The following FCHSD2 variants were observed in gnomAD, a reference collection of about 807,000 sequenced individuals.
FCHSD2 encodes the protein F-BAR and double SH3 domains protein 2.
In FCHSD2, 38 loss-of-function variants were observed where a neutral mutation model predicts 108.1. The ratio of observed to expected loss-of-function variants is 0.35; its 90% CI spans 0.27 to 0.46. The LOEUF is 0.46. FCHSD2 is among the 20% of genes least tolerant of loss of function. The probability of loss-of-function intolerance (pLI) is 1.00; values close to 1 mark genes in which losing one functional copy is unlikely to be tolerated. For synonymous variants in FCHSD2, 279 were observed against 314.7 expected (o/e 0.89, Z 1.20); for missense variants, 751 against 897.8 (o/e 0.84, Z 2.09).
intron 2 of FCHSD2, among the ~76,000 whole-genome samples, chr11:73,122,306 G>A (rs915700880): frequency 5.3e-5 from 8 of 152,050 alleles, no homozygotes; most frequent in South Asian, 4.1e-4. Flanking sequence ...AAACTTCCCC[G>A]TATTAGAGAC....
rs1335662775 is a variant in FCHSD2, at chr11:73,003,553, C to A, written c.243-2419G>T. Among the ~76,000 whole-genome samples the A allele has an allele frequency of 3.4e-5, 5 of 147,312 alleles. No individual in the cohort carries two copies. In the South Asian group the frequency reaches 1.1e-3, roughly 32 times the overall value. On this transcript the variant is annotated intron_variant, in intron 4 of 19. Transcript: ENST00000409418. ...CCAGGCTGGAGTGCAGTGGCGGGAT[C>A]TCGGCTCACTGCAAGCTCCACCTCC...
At chr11:73,108,519 A>G (rs1014372239) in intron 2 of FCHSD2, among the ~76,000 whole-genome samples, 1 of 151,886 alleles carries the variant, frequency 6.6e-6, no homozygotes, top group Non-Finnish European at 1.5e-5. Context: ...GTTTTCTTTT[A>G]GCAGTTTCAT....
At chr11:73,005,536 T>G (rs1308104577) in intron 4 of FCHSD2, among the ~76,000 whole-genome samples, 1 of 152,238 alleles carries the variant, frequency 6.6e-6, no homozygotes, top group Non-Finnish European at 1.5e-5. Context: ...CCGCTTCATC[T>G]CACTGTCCCA....
intron 12 of FCHSD2, among the ~76,000 whole-genome samples, chr11:72,874,924 T>C (rs907120620): frequency 6.6e-6 from 1 of 152,228 alleles, no homozygotes; most frequent in African/African-American, 2.4e-5. Flanking sequence ...ACCAAATCAT[T>C]TTTGGAAGCT....
intron 9 of FCHSD2, among the ~76,000 whole-genome samples, chr11:72,910,687 G>A (rs1027235666): frequency 2.6e-5 from 4 of 151,958 alleles, no homozygotes; most frequent in African/African-American, 4.8e-5. Flanking sequence ...CAAACACTGC[G>A]GAAGGCTGCA....
rs543424095 is a variant in FCHSD2 at position 72,963,832 on chromosome 11, G to C, written c.705+20256C>G. Among the ~76,000 whole-genome samples the C allele has an allele frequency of 2.0e-5, 3 of 152,320 alleles. No individual in the cohort carries two copies. The South Asian group carries it at 6.2e-4, about 32-fold the overall frequency. ...ACTGGCCCTCGGCTCACCTCCTGCT[G>C]TGCGGCCTGGTTCCTCACAGGCCAT... On this transcript the variant is annotated intron_variant, in intron 8 of 19. Coordinates refer to ENST00000409418, the MANE Select transcript of FCHSD2 (RefSeq NM_014824.3).
chr11:72,934,110 GAAAA>G lies in FCHSD2; in HGVS notation c.706-12164_706-12161del, dbSNP rs375464183. ...GGCAACAGAGTAAGACACTGTCTCA[GAAAA>G]AAAAAAAAAAAAAAAAAAAAGAGCT... On this transcript the variant is annotated intron_variant, in intron 8 of 19. Transcript: ENST00000409418. 7.1e-4 allele frequency among the ~76,000 whole-genome samples: 36 copies of G among 50,890 alleles called. No homozygotes were observed. In the East Asian group the frequency reaches 9.8e-3, roughly 14 times the overall value. 33.4% of individuals were successfully genotyped at this position (50,890 alleles called of 152,430 possible).
intron 14 of FCHSD2, among the ~76,000 whole-genome samples, chr11:72,847,921 A>G (rs935608406): frequency 2.0e-5 from 3 of 151,998 alleles, no homozygotes; most frequent in Non-Finnish European, 4.4e-5. Context: ...TTGAACTCCT[A>G]ACCTCAGTGA....
chr11:72,988,780 T>C (rs1220270891), intron 6 of FCHSD2, among the ~76,000 whole-genome samples, 184 bp downstream of exon 6: 1 of 152,242 alleles, frequency 6.6e-6, no homozygotes, highest in Non-Finnish European at 1.5e-5. Context: ...CATTTTGCTA[T>C]ATTAATTCAG....
intron 3 of FCHSD2, among the ~76,000 whole-genome samples, chr11:73,026,860 C>G (rs1858241313): frequency 6.6e-6 from 1 of 152,158 alleles, no homozygotes; most frequent in Non-Finnish European, 1.5e-5. Flanking sequence ...TTTGCTCGCT[C>G]TCTCTCCTGC....
chr11:72,842,951 T>G, intron 16 of FCHSD2, 110 bp from the exon 17 acceptor site: 1 of 971,968 alleles, frequency 1.0e-6, no homozygotes, highest in Non-Finnish European at 1.5e-6. Flanking sequence ...AGAATAGGAT[T>G]AAAGTTGTAA....
At chr11:73,088,929 C>T (rs1859889352) in intron 2 of FCHSD2, among the ~76,000 whole-genome samples, 1 of 152,086 alleles carries the variant, frequency 6.6e-6, no homozygotes, top group African/African-American at 2.4e-5. Context: ...AAAATAAGGA[C>T]ATTCACGTGA....
chr11:73,050,044 T>A (rs992529325), intron 3 of FCHSD2, among the ~76,000 whole-genome samples: 4 of 152,204 alleles, frequency 2.6e-5, no homozygotes, highest in Non-Finnish European at 5.9e-5. Context: ...CCTCTCTATA[T>A]AAGAAGTCAG....
At chr11:73,004,809 T>G (rs1857705987) in intron 4 of FCHSD2, among the ~76,000 whole-genome samples, 1 of 152,198 alleles carries the variant, frequency 6.6e-6, no homozygotes, top group Non-Finnish European at 1.5e-5. Context: ...GCAAGGGTAC[T>G]ACATTTCCTT....
intron 13 of FCHSD2, among the ~76,000 whole-genome samples, chr11:72,854,468 G>A (rs1283401336): frequency 6.6e-6 from 1 of 152,208 alleles, no homozygotes; most frequent in Non-Finnish European, 1.5e-5. Flanking sequence ...GTCTCGCTCT[G>A]CTGCCCAAGC....
intron 10 of FCHSD2, among the ~76,000 whole-genome samples, chr11:72,896,226 T>C (rs181178523): frequency 2.0e-5 from 3 of 152,362 alleles, no homozygotes; most frequent in Non-Finnish European, 4.4e-5. Flanking sequence ...TTTGCTGTCA[T>C]GATCTGTGAA....
chr11:73,030,489 T>C (rs1208709630), intron 3 of FCHSD2, among the ~76,000 whole-genome samples: 1 of 152,210 alleles, frequency 6.6e-6, no homozygotes, highest in African/African-American at 2.4e-5. Context: ...GGATTGTATA[T>C]GTCTCCAGAG....
At position 72,910,296 on chromosome 11, in the gene FCHSD2, G is replaced by A. The variant is rs190301716; in HGVS notation, c.829-7658C>T. On this transcript the variant is annotated intron_variant, in intron 9 of 19. Transcript: ENST00000409418. ...AAGTGAGGAGCGCCTTTGTCCGGCCGCCCCGTCTGGGAGGTGTACCCAACA... is the reference window on the plus strand; with the variant it reads ...AAGTGAGGAGCGCCTTTGTCCGGCCACCCCGTCTGGGAGGTGTACCCAACA... Among the ~76,000 whole-genome samples, 382 of 152,298 alleles carry A rather than the reference G, an allele frequency of 2.5e-3. 2 individuals carry two copies. Among genetic ancestry groups the A allele is most frequent in the Non-Finnish European group, 4.7e-3 (317 of 68,030 alleles).
At chr11:72,884,394 T>C (rs1273329940) in intron 12 of FCHSD2, among the ~76,000 whole-genome samples, 1 of 151,776 alleles carries the variant, frequency 6.6e-6, no homozygotes, top group Non-Finnish European at 1.5e-5. Context: ...TCAAGAGGTC[T>C]GCTAACATAG....
Sources: allele counts gnomAD v4.1 joint callset (sites outside exome capture counted in the v4.1 genomes callset), GRCh38; gene constraint gnomAD v4.1.1; transcripts MANE v1.5; gene names NCBI Gene and HGNC (gene_info 2026-07-23, HGNC 2026-07-21).